Variants in GATB observed in about 807,000 individuals in gnomAD.
The protein encoded by GATB is glutamyl-tRNA(Gln) amidotransferase subunit B, mitochondrial.
GATB carries 39 observed loss-of-function variants against 62.3 expected under a neutral mutation model. The observed-to-expected ratio is 0.63, with a 90% CI of 0.48 to 0.82. GATB has a LOEUF of 0.82. Ranked by LOEUF, GATB falls within the 40% of genes least tolerant of loss-of-function variation. The pLI, the probability that GATB is intolerant of heterozygous loss-of-function variation, is 0.00. For synonymous variants in GATB, 276 were observed against 258.9 expected, an observed-to-expected ratio of 1.07 and a Z score of -0.63; for missense variants, 670 against 684.0, an observed-to-expected ratio of 0.98 and a Z score of 0.23.
intron 10 of GATB, among the ~76,000 whole-genome samples, chr4:151,682,797 A>G (rs547103848): frequency 1.3e-5 from 2 of 152,114 alleles, no homozygotes; most frequent in Admixed American, 6.5e-5. Context: ...GAAGGAAGAC[A>G]TTGGGACTTG....
chr4:151,673,137 C>T, intron 11 of GATB: 1 of 457,030 alleles, frequency 2.2e-6, no homozygotes, highest in Admixed American at 3.3e-5. Flanking sequence ...GTGAATGCAC[C>T]TGGGGTCTCC....
chr4:151,688,531 G>A, intron 10 of GATB, 99 bp downstream of exon 10: 1 of 1,153,842 alleles, frequency 8.7e-7, no homozygotes, highest in Non-Finnish European at 1.2e-6. Context: ...GATATCCTGA[G>A]GGAGAACAGC....
intron 10 of GATB, among the ~76,000 whole-genome samples, chr4:151,684,476 T>C (rs530051883): frequency 1.3e-5 from 2 of 152,364 alleles, no homozygotes; most frequent in East Asian, 3.9e-4. Flanking sequence ...CACGTAATCA[T>C]TCTCTACCAA....
In GATB at chr4:151,706,216, A is replaced by T. The variant is rs115006689; in HGVS notation, c.878-947T>A. On this transcript the variant is annotated intron_variant, in intron 6 of 12. Coordinates refer to ENST00000263985, the MANE Select transcript of GATB (RefSeq NM_004564.3). ...GTGGTGAAAAATCACAGGCTTGGAGAATTGAACCCATAGTAAAGCTTTGGC... is the reference window on the plus strand; with the variant it reads ...GTGGTGAAAAATCACAGGCTTGGAGTATTGAACCCATAGTAAAGCTTTGGC... 3.4e-3 allele frequency among the ~76,000 whole-genome samples: 520 copies of T among 152,264 alleles called. 5 individuals are homozygous for T. The highest frequency in any genetic ancestry group is 0.012 in the African/African-American group (493 of 41,546).
At chr4:151,741,603 A>G (rs972738328) in intron 2 of GATB, among the ~76,000 whole-genome samples, 4 of 152,202 alleles carry the variant, frequency 2.6e-5, no homozygotes, top group African/African-American at 9.7e-5. Context: ...AGGAACATCA[A>G]GCTCCTAAGA....
At chr4:151,691,075 G>A (rs1738356224) in intron 9 of GATB, among the ~76,000 whole-genome samples, 1 of 152,194 alleles carries the variant, frequency 6.6e-6, no homozygotes, top group South Asian at 2.1e-4. Flanking sequence ...ACGAATCTCA[G>A]AGTCTCTGGT....
intron 5 of GATB, among the ~76,000 whole-genome samples, chr4:151,708,697 G>A (rs1457644549): frequency 1.3e-5 from 2 of 152,116 alleles, no homozygotes; most frequent in Admixed American, 6.5e-5. Flanking sequence ...ACATGACTCC[G>A]AATCCTTCCT....
intron 9 of GATB, among the ~76,000 whole-genome samples, chr4:151,690,684 A>T (rs1738347592): frequency 6.6e-6 from 1 of 152,226 alleles, no homozygotes; most frequent in South Asian, 2.1e-4. Context: ...CGTGATGCAT[A>T]TCTATTCCTC....
chr4:151,698,599 C>T (rs945010845), intron 9 of GATB, among the ~76,000 whole-genome samples: 3 of 152,234 alleles, frequency 2.0e-5, no homozygotes, highest in Admixed American at 6.5e-5. Flanking sequence ...GGAAAAAACA[C>T]GAACATATCA....
intron 2 of GATB, among the ~76,000 whole-genome samples, chr4:151,731,541 T>A (rs2126986294): frequency 6.6e-6 from 1 of 152,158 alleles, no homozygotes; most frequent in Admixed American, 6.5e-5. Flanking sequence ...TGCCACCCCG[T>A]CTGGGAAGTG....
In GATB at chr4:151,716,867, C is replaced by T. The variant is rs1738922168; in HGVS notation, c.640+9G>A. 6.2e-7 allele frequency: 1 copy of T among 1,613,620 alleles called. No individual in the cohort carries two copies. The highest frequency in any genetic ancestry group is 8.5e-7 in the Non-Finnish European group (1 of 1,179,674). ...GGAAGGAGAAATAATGAAAACACTCCAAGCCTACCTGCCCTGTTCAAATCA... is the reference window on the plus strand; with the variant it reads ...GGAAGGAGAAATAATGAAAACACTCTAAGCCTACCTGCCCTGTTCAAATCA... On this transcript the variant is annotated intron_variant, in intron 4 of 12. Transcript: ENST00000263985.
intron 9 of GATB, among the ~76,000 whole-genome samples, chr4:151,690,430 G>A (rs1388874730): frequency 6.6e-6 from 1 of 152,248 alleles, no homozygotes; most frequent in East Asian, 1.9e-4. Flanking sequence ...TGAAGAGGAA[G>A]TTCTGCTTAA....
intron 2 of GATB, among the ~76,000 whole-genome samples, chr4:151,733,664 A>T (rs1021257433): frequency 1.3e-5 from 2 of 152,032 alleles, no homozygotes; most frequent in Non-Finnish European, 2.9e-5. Flanking sequence ...AACAAAAAAG[A>T]ATATATCCTC....
intron 6 of GATB, among the ~76,000 whole-genome samples, chr4:151,707,372 C>T (rs142819421): frequency 9.1e-4 from 139 of 152,308 alleles, no homozygotes; most frequent in African/African-American, 3.2e-3. Flanking sequence ...CAGCTCACTA[C>T]AACCTCAAAC....
intron 8 of GATB, among the ~76,000 whole-genome samples, chr4:151,702,971 C>G (rs182091303): frequency 1.9e-3 from 292 of 152,268 alleles, no homozygotes; most frequent in Middle Eastern, 0.014. Flanking sequence ...AGGCATCATG[C>G]TGAAGCCACG....
At chr4:151,674,399 C>G (rs1445411948) in intron 11 of GATB, 1 of 152,178 alleles carries the variant, frequency 6.6e-6, no homozygotes, top group African/African-American at 2.4e-5. Context: ...TGCCCCCTTT[C>G]TCTGACACGT....
chr4:151,732,919 G>C (rs1739298075), intron 2 of GATB, among the ~76,000 whole-genome samples: 1 of 151,692 alleles, frequency 6.6e-6, no homozygotes, highest in African/African-American at 2.4e-5. Context: ...TTTTATAACT[G>C]AATGACAATA....
chr4:151,744,035 A>G (rs755620653), intron 2 of GATB, among the ~76,000 whole-genome samples: 1 of 152,228 alleles, frequency 6.6e-6, no homozygotes, highest in Non-Finnish European at 1.5e-5. Context: ...ATCTTTAGCC[A>G]TTTACTGTAG....
At chr4:151,726,624 T>G (rs993652942) in intron 2 of GATB, among the ~76,000 whole-genome samples, 1 of 152,234 alleles carries the variant, frequency 6.6e-6, no homozygotes, top group Non-Finnish European at 1.5e-5. Context: ...CAAATAGCCA[T>G]CGCACAGGAA....
Sources: gnomAD v4.1 joint callset for allele counts (sites outside exome capture counted in the v4.1 genomes callset) on GRCh38, gnomAD v4.1.1 for gene constraint, MANE v1.5 for transcripts, NCBI Gene and HGNC (gene_info 2026-07-23, HGNC 2026-07-21) for gene names.